The following R3HDM2 variants were observed in gnomAD, a reference collection of about 807,000 sequenced individuals.
R3HDM2 encodes the protein R3H domain-containing protein 2.
A neutral mutation model predicts 124.5 loss-of-function variants in R3HDM2; 38 were observed. That is an observed-to-expected ratio of 0.31 (90% CI 0.24 to 0.40). The LOEUF (loss-of-function observed/expected upper bound fraction) is 0.40. R3HDM2 is among the 10% of genes least tolerant of loss of function. The probability of loss-of-function intolerance (pLI) is 1.00; values close to 1 mark genes in which losing one functional copy is unlikely to be tolerated. For missense variants in R3HDM2, 869 were observed against 1,236.9 expected (o/e 0.70, Z 4.46); for synonymous variants, 391 against 448.0 (o/e 0.87, Z 1.61).
intron 1 of R3HDM2, among the ~76,000 whole-genome samples, chr12:57,429,256 T>G (rs931372276): frequency 2.0e-5 from 3 of 151,602 alleles, no homozygotes; most frequent in Non-Finnish European, 4.4e-5. Context: ...ACTAATCATA[T>G]AATGGACACA....
chr12:57,267,021 G>C, intron 18 of R3HDM2, 190 bp from the exon 19 acceptor site: 1 of 489,588 alleles, frequency 2.0e-6, no homozygotes, highest in African/African-American at 2.0e-5. Flanking sequence ...ATTTGTACTT[G>C]ATCATCTTTC....
At chr12:57,419,716 A>G (rs768232150) in intron 1 of R3HDM2, among the ~76,000 whole-genome samples, 2 of 152,100 alleles carry the variant, frequency 1.3e-5, no homozygotes, top group Non-Finnish European at 2.9e-5. Context: ...CACTAGGATT[A>G]CAGGTGTAAG....
At chr12:57,410,109 C>T (rs910141516) in intron 1 of R3HDM2, among the ~76,000 whole-genome samples, 1 of 151,984 alleles carries the variant, frequency 6.6e-6, no homozygotes, top group Non-Finnish European at 1.5e-5. Context: ...ATAGTAGCAA[C>T]AAGATCCTAC....
chr12:57,399,294 C>T (rs145603850), intron 1 of R3HDM2, among the ~76,000 whole-genome samples: 2 of 152,088 alleles, frequency 1.3e-5, no homozygotes, highest in East Asian at 1.9e-4. Context: ...CTCAGCTTCT[C>T]GGGAGACTGA....
chr12:57,411,211 TG>T (rs2068972386), intron 1 of R3HDM2, among the ~76,000 whole-genome samples: 2 of 152,342 alleles, frequency 1.3e-5, no homozygotes, highest in South Asian at 2.1e-4. Flanking sequence ...GATTTTTGTT[TG>T]TTTTTTTGAG....
Position 57,283,837 on chromosome 12 carries a change from C to CTT in R3HDM2, c.1157_1158insAA (p.Ile387ArgfsTer9). 1.2e-6 allele frequency: 2 copies of CTT among 1,614,148 alleles called. No homozygotes were observed. The highest frequency in any genetic ancestry group is 2.2e-5 in the South Asian group (2 of 91,084). On this transcript the variant is annotated frameshift_variant, in exon 13 of 24. Transcript: ENST00000402412. LOFTEE classifies it high-confidence loss of function. ...AAGCTGTAATACCTGGCCTGGAGAT[C>CTT]CTTCCCGCACTGCCGCCTTTACTGC...
chr12:57,369,138 C>G (rs936632968), intron 2 of R3HDM2, among the ~76,000 whole-genome samples: 9 of 152,186 alleles, frequency 5.9e-5, no homozygotes, highest in African/African-American at 2.2e-4. Context: ...CACTTCCAAC[C>G]CCTACCCCAG....
At chr12:57,428,732 T>C (rs1004566535) in intron 1 of R3HDM2, among the ~76,000 whole-genome samples, 1 of 149,684 alleles carries the variant, frequency 6.7e-6, no homozygotes, top group African/African-American at 2.4e-5. Flanking sequence ...CATTAAAAAA[T>C]ATTAGGCATG....
chr12:57,269,903 G>A lies in R3HDM2; in HGVS notation c.1436C>T (p.Thr479Ile), dbSNP rs1415315485. The part of the protein sequence containing the change: ...AADPSAALFQ[T>I]PLISQHPQQT... ...CTGAGGGTGCTGGGAGATAAGTGGGGTCTGGAATAGAGCTGCAGATGGGTC... is the reference window on the plus strand; with the variant it reads ...CTGAGGGTGCTGGGAGATAAGTGGGATCTGGAATAGAGCTGCAGATGGGTC... The change falls in exon 15 of 24, where the codon ACC (threonine) becomes ATC (isoleucine). Residue 479 changes from threonine to isoleucine, a missense_variant. Thr to Ile is a moderately conservative substitution (Grantham distance 89). Transcript: ENST00000402412. The A allele has an allele frequency of 1.2e-6, 2 of 1,614,180 alleles. No homozygotes were observed. The highest frequency in any genetic ancestry group is 2.2e-5 in the East Asian group (1 of 44,888).
intron 14 of R3HDM2, chr12:57,272,344 G>T: frequency 1.1e-6 from 1 of 906,618 alleles, no homozygotes; most frequent in Non-Finnish European, 1.8e-6. Context: ...CTTTCAATAT[G>T]CCCTCCAAAA....
At chr12:57,315,938 G>A (rs1359338408) in intron 2 of R3HDM2, among the ~76,000 whole-genome samples, 1 of 152,160 alleles carries the variant, frequency 6.6e-6, no homozygotes, top group African/African-American at 2.4e-5. Context: ...TGGGCAACAT[G>A]GCAAACCCCA....
At chr12:57,350,218 TAATAA>T (rs1275481332) in intron 2 of R3HDM2, among the ~76,000 whole-genome samples, 1 of 151,478 alleles carries the variant, frequency 6.6e-6, no homozygotes, top group Non-Finnish European at 1.5e-5. Context: ...TCAAACAAAT[TAATAA>T]AATAAAAATA....
intron 2 of R3HDM2, among the ~76,000 whole-genome samples, chr12:57,335,034 T>C (rs1001711031): frequency 4.0e-5 from 6 of 150,988 alleles, no homozygotes; most frequent in Non-Finnish European, 8.9e-5. Flanking sequence ...CCCAGCTACT[T>C]GAGAGGCTAT....
intron 2 of R3HDM2, among the ~76,000 whole-genome samples, chr12:57,341,061 A>G (rs2059510401): frequency 6.6e-6 from 1 of 152,228 alleles, no homozygotes; most frequent in African/African-American, 2.4e-5. Context: ...TAGGTCTGAG[A>G]AACAGTGTAC....
chr12:57,276,662 C>T (rs998703222), intron 14 of R3HDM2, among the ~76,000 whole-genome samples: 10 of 152,078 alleles, frequency 6.6e-5, no homozygotes, highest in African/African-American at 1.9e-4. Context: ...CCAAGGTGGG[C>T]GGATCATGAG....
chr12:57,363,444 G>A (rs565819394), intron 2 of R3HDM2, among the ~76,000 whole-genome samples: 2 of 152,226 alleles, frequency 1.3e-5, no homozygotes, highest in African/African-American at 4.8e-5. Context: ...AGGAGGAATG[G>A]GGTATAGGGA....
Position 57,266,088 on chromosome 12 carries a change from C to CA in R3HDM2, c.2131+642dup, listed in dbSNP as rs2042316725. ...TTGGGATTACAGGCGTGAGCCTCCGCACCTGGCCATAATTTTTCTTTTTTT... is the reference window on the plus strand; with the variant it reads ...TTGGGATTACAGGCGTGAGCCTCCGCAACCTGGCCATAATTTTTCTTTTTTT... On this transcript the variant is annotated intron_variant, in intron 19 of 23. Coordinates refer to ENST00000402412, the MANE Select transcript of R3HDM2 (RefSeq NM_001394031.1). Among the ~76,000 whole-genome samples, 6 of 142,914 alleles carry CA rather than the reference C, an allele frequency of 4.2e-5. No homozygotes were observed. In the South Asian group the frequency reaches 1.4e-3, roughly 32 times the overall value. The allele number at this position is 142,914 out of a possible 152,430, so 93.8% of individuals were successfully genotyped here.
chr12:57,410,768 G>A (rs1341928675), intron 1 of R3HDM2, among the ~76,000 whole-genome samples: 1 of 152,148 alleles, frequency 6.6e-6, no homozygotes, highest in Non-Finnish European at 1.5e-5. Context: ...CAGAAGGATC[G>A]CTTGAGCCAC....
At chr12:57,327,881 A>G (rs749240169) in intron 2 of R3HDM2, among the ~76,000 whole-genome samples, 125 of 152,202 alleles carry the variant, frequency 8.2e-4, no homozygotes, top group Middle Eastern at 6.3e-3. Flanking sequence ...GATGCTGTGG[A>G]CACTGCTGAA....
Sources: allele counts gnomAD v4.1 joint callset (sites outside exome capture counted in the v4.1 genomes callset), GRCh38; gene constraint gnomAD v4.1.1; transcripts MANE v1.5; gene names NCBI Gene and HGNC (gene_info 2026-07-23, HGNC 2026-07-21).